The following SNX22 variants were observed in gnomAD, a reference collection of about 807,000 sequenced individuals.
SNX22 encodes the protein sorting nexin 22, also known as sorting nexin-22.
Under a neutral mutation model 24.7 loss-of-function variants are expected in SNX22, and 23 were observed. That is an observed-to-expected ratio of 0.93 (90% CI 0.67 to 1.32). The LOEUF (loss-of-function observed/expected upper bound fraction) is 1.32. Among genes scored for constraint, SNX22 ranks in the 40% most tolerant of loss-of-function variants. SNX22 has a pLI of 0.00. For synonymous variants in SNX22, 99 were observed against 104.0 expected (o/e 0.95, Z 0.29); for missense variants, 261 against 249.9 (o/e 1.04, Z -0.30).
In SNX22 at chr15:64,155,692, T is replaced by G; in HGVS notation, c.*1184T>G. The G allele has an allele frequency of 3.0e-6, 1 of 330,932 alleles. No individual in the cohort carries two copies. 20.5% of individuals were successfully genotyped at this position (330,932 alleles called of 1,614,324 possible). The stretch of plus-strand genomic sequence containing the variant: ...TGACTTTTCCTGGGTAGCTCCTGGG[T>G]CAAAATTTCAGGCAGGATCCCAGGG... On this transcript the variant is annotated 3_prime_UTR_variant, in exon 7 of 7. Transcript: ENST00000325881.
At position 64,152,634 on chromosome 15, in the gene SNX22, G is replaced by A; in HGVS notation, c.160-4G>A. On this transcript the variant is annotated splice_polypyrimidine_tract_variant and splice_region_variant and intron_variant, in intron 2 of 6. Coordinates refer to ENST00000325881, the MANE Select transcript of SNX22 (RefSeq NM_024798.3). The stretch of plus-strand genomic sequence containing the variant: ...TGTGATCGCACGCGGTAAACCTCCA[G>A]TAGATCAAGAAGCTGTACAAAGTGC... 2 of 1,613,884 alleles carry A rather than the reference G, an allele frequency of 1.2e-6. No homozygotes were observed. The highest frequency in any genetic ancestry group is 1.1e-5 in the South Asian group (1 of 91,058).
chr15:64,152,136 CT>C, intron 1 of SNX22, 106 bp from the exon 2 acceptor site: 2 of 1,149,666 alleles, frequency 1.7e-6, no homozygotes, highest in Non-Finnish European at 2.3e-6. Context: ...CGCAAGGCCG[CT>C]TTGTGCCTTT....
At position 64,156,990 on chromosome 15, in the gene SNX22, T is replaced by C; in HGVS notation, c.*2482T>C. ...CATTCGGGGCCAGGACTGAGGGGGC[T>C]TAACCTGTCCTCTGTGCCAGGCTAG... On this transcript the variant is annotated 3_prime_UTR_variant, in exon 7 of 7. Coordinates refer to ENST00000325881, the MANE Select transcript of SNX22 (RefSeq NM_024798.3). The surrounding 1 kb of genome is among the most constrained non-coding windows in gnomAD (Gnocchi z 6.4). The C allele has an allele frequency of 1.4e-6, 2 of 1,433,642 alleles. No individual in the cohort carries two copies. The highest frequency in any genetic ancestry group is 1.9e-6 in the Non-Finnish European group (2 of 1,031,548). 88.8% of individuals were successfully genotyped at this position (1,433,642 alleles called of 1,614,324 possible). A position where few individuals can be genotyped will look rare whatever the true frequency, so the allele number is the denominator to read the frequency against.
Position 64,155,882 on chromosome 15 carries a change from G to A in SNX22, c.*1374G>A. The A allele has an allele frequency of 7.9e-7, 1 of 1,273,706 alleles. No homozygotes were observed. The highest frequency in any genetic ancestry group is 1.1e-6 in the Non-Finnish European group (1 of 886,432). 78.9% of individuals were successfully genotyped at this position (1,273,706 alleles called of 1,614,324 possible). Reference sequence around the variant, plus strand: ...GTGTTGGTAGGAGTTTGTTACAAAAGTGAGTCCATGGGCCTGTGGAATGTG... The same window carrying A: ...GTGTTGGTAGGAGTTTGTTACAAAAATGAGTCCATGGGCCTGTGGAATGTG... On this transcript the variant is annotated 3_prime_UTR_variant, in exon 7 of 7. Transcript: ENST00000325881.
chr15:64,151,857 G>A lies in SNX22; in HGVS notation c.75+7G>A, dbSNP rs2081488305. ...CCCGGAGAAAAGCCACATGGTGAGC[G>A]CGGCCCCTGGATGGGGAGGGGCGCC... On this transcript the variant is annotated splice_region_variant and intron_variant, in intron 1 of 6. Coordinates refer to ENST00000325881, the MANE Select transcript of SNX22 (RefSeq NM_024798.3). The A allele has an allele frequency of 6.5e-7, 1 of 1,531,934 alleles. No homozygotes were observed. Among genetic ancestry groups the A allele is most frequent in the South Asian group, 1.2e-5 (1 of 82,106 alleles). 94.9% of individuals were successfully genotyped at this position (1,531,934 alleles called of 1,614,324 possible).
intron 2 of SNX22, 68 bp from the exon 3 acceptor site, chr15:64,152,570 G>A (rs1389638277): frequency 6.7e-7 from 1 of 1,483,212 alleles, no homozygotes; most frequent in Non-Finnish European, 9.3e-7. Flanking sequence ...GAGGGCTTCT[G>A]GCTGGGGCGA....
chr15:64,156,544 G>T lies in SNX22; in HGVS notation c.*2036G>T. The stretch of plus-strand genomic sequence containing the variant: ...TCCTGGCTGGGCTCTGAGGGGGCTG[G>T]AAGAATTTAGAACCTTGGAGGCATG... On this transcript the variant is annotated 3_prime_UTR_variant, in exon 7 of 7. Transcript: ENST00000325881. This position sits in a 1 kb window ranked among gnomAD's most constrained non-coding sequence, Gnocchi z 6.4. 1.2e-6 allele frequency: 1 copy of T among 806,380 alleles called. No individual in the cohort carries two copies. Among genetic ancestry groups the T allele is most frequent in the Non-Finnish European group, 2.1e-6 (1 of 482,126 alleles). The allele number at this position is 806,380 out of a possible 1,614,324, so 50.0% of individuals were successfully genotyped here. A position where few individuals can be genotyped will look rare whatever the true frequency, so the allele number is the denominator to read the frequency against.
intron 6 of SNX22, 42 bp from the exon 7 acceptor site, chr15:64,154,345 G>A: frequency 6.2e-7 from 1 of 1,610,560 alleles, no homozygotes; most frequent in Non-Finnish European, 8.5e-7. Flanking sequence ...AGCTCAAGGA[G>A]CTGCAGGTCT....
rs1426071511 is a variant in SNX22 at position 64,152,619 on chromosome 15, C to A, written c.160-19C>A. 1 of 1,609,810 alleles carries A rather than the reference C, an allele frequency of 6.2e-7. No individual in the cohort carries two copies. The highest frequency in any genetic ancestry group is 8.5e-7 in the Non-Finnish European group (1 of 1,176,330). ...GCTCAGTCGGGATGCTGTGATCGCA[C>A]GCGGTAAACCTCCAGTAGATCAAGA... On this transcript the variant is annotated intron_variant, in intron 2 of 6. Coordinates refer to ENST00000325881, the MANE Select transcript of SNX22 (RefSeq NM_024798.3).
chr15:64,156,554 G>C lies in SNX22; in HGVS notation c.*2046G>C. On this transcript the variant is annotated 3_prime_UTR_variant, in exon 7 of 7. Transcript: ENST00000325881. The surrounding 1 kb of genome is among the most constrained non-coding windows in gnomAD (Gnocchi z 6.4). ...GCTCTGAGGGGGCTGGAAGAATTTA[G>C]AACCTTGGAGGCATGGAGGTACAGG... 1 of 860,428 alleles carries C rather than the reference G, an allele frequency of 1.2e-6. No homozygotes were observed. Among genetic ancestry groups the C allele is most frequent in the Non-Finnish European group, 1.9e-6 (1 of 522,058 alleles). 53.3% of individuals were successfully genotyped at this position (860,428 alleles called of 1,614,324 possible).
rs1429932364 is a variant in SNX22, at chr15:64,155,820, T to C, written c.*1312T>C. ...AGAACCAGGCCCACACATTATATAT[T>C]AAAAAAAAAAAAACCCACATTTTTT... On this transcript the variant is annotated 3_prime_UTR_variant, in exon 7 of 7. Transcript: ENST00000325881. 2 of 489,772 alleles carry C rather than the reference T, an allele frequency of 4.1e-6. No individual in the cohort carries two copies. The highest frequency in any genetic ancestry group is 4.1e-5 in the African/African-American group (2 of 48,556). The allele number at this position is 489,772 out of a possible 1,614,324, so 30.3% of individuals were successfully genotyped here. A position where few individuals can be genotyped will look rare whatever the true frequency, so the allele number is the denominator to read the frequency against.
rs572867609 is a variant in SNX22, at chr15:64,154,665, G to C, written c.*157G>C. The C allele has an allele frequency of 6.4e-6, 6 of 935,188 alleles. No homozygotes were observed. The highest frequency in any genetic ancestry group is 9.6e-6 in the Non-Finnish European group (6 of 627,238). The allele number at this position is 935,188 out of a possible 1,614,324, so 57.9% of individuals were successfully genotyped here. On this transcript the variant is annotated 3_prime_UTR_variant, in exon 7 of 7. Coordinates refer to ENST00000325881, the MANE Select transcript of SNX22 (RefSeq NM_024798.3). ...CCACTCAAGGCTCAGAACTTGGCTC[G>C]CATTGGTAGCTGGAGGTGGTAGAAT...
chr15:64,152,957 C>T, intron 3 of SNX22: 1 of 608,294 alleles, frequency 1.6e-6, no homozygotes, highest in African/African-American at 1.8e-5. Flanking sequence ...GTAGTCCCAG[C>T]TCCATGAAAC....
At chr15:64,151,928 G>A (rs2081489021) in intron 1 of SNX22, 78 bp downstream of exon 1, 1 of 1,360,986 alleles carries the variant, frequency 7.3e-7, no homozygotes, top group Non-Finnish European at 9.8e-7. Flanking sequence ...GGGACCCGGG[G>A]CCCGGGCCTG....
chr15:64,155,865 A>C lies in SNX22; in HGVS notation c.*1357A>C. ...TTTTTTTTTATTGGTCAGTGTTGGTAGGAGTTTGTTACAAAAGTGAGTCCA... is the reference window on the plus strand; with the variant it reads ...TTTTTTTTTATTGGTCAGTGTTGGTCGGAGTTTGTTACAAAAGTGAGTCCA... On this transcript the variant is annotated 3_prime_UTR_variant, in exon 7 of 7. Transcript: ENST00000325881. The C allele has an allele frequency of 1.4e-5, 14 of 985,132 alleles. No homozygotes were observed. Among genetic ancestry groups the C allele is most frequent in the East Asian group, 2.5e-5 (1 of 39,692 alleles). 61.0% of individuals were successfully genotyped at this position (985,132 alleles called of 1,614,324 possible).
In SNX22 at chr15:64,157,220, G is replaced by T; in HGVS notation, c.*2712G>T. 1 of 408,258 alleles carries T rather than the reference G, an allele frequency of 2.4e-6. No individual in the cohort carries two copies. Among genetic ancestry groups the T allele is most frequent in the Non-Finnish European group, 4.5e-6 (1 of 220,376 alleles). 25.3% of individuals were successfully genotyped at this position (408,258 alleles called of 1,614,324 possible). On this transcript the variant is annotated 3_prime_UTR_variant, in exon 7 of 7. Transcript: ENST00000325881. This position sits in a 1 kb window ranked among gnomAD's most constrained non-coding sequence, Gnocchi z 4.2. ...CTCCCCTTAGCTATGGCCCAGGCCT[G>T]CCACGGAGGGACTTTGGTGGAGGGA...
In SNX22 at chr15:64,154,620, T is replaced by G. The variant is rs905406978; in HGVS notation, c.*112T>G. 6.7e-6 allele frequency: 9 copies of G among 1,346,368 alleles called. No homozygotes were observed. The highest frequency in any genetic ancestry group is 1.5e-5 in the South Asian group (1 of 68,066). 83.4% of individuals were successfully genotyped at this position (1,346,368 alleles called of 1,614,324 possible). A position where few individuals can be genotyped will look rare whatever the true frequency, so the allele number is the denominator to read the frequency against. On this transcript the variant is annotated 3_prime_UTR_variant, in exon 7 of 7. Transcript: ENST00000325881. Reference sequence around the variant, plus strand: ...CTGGACCCAGGACTTAATTACCCAGTGCCCAGTTGTGCCACATTCCCACTC... The same window carrying G: ...CTGGACCCAGGACTTAATTACCCAGGGCCCAGTTGTGCCACATTCCCACTC...
chr15:64,152,423 A>AC (rs1222828104), intron 2 of SNX22, 97 bp downstream of exon 2: 1 of 1,319,460 alleles, frequency 7.6e-7, no homozygotes, highest in East Asian at 2.5e-5. Flanking sequence ...AGCCTCCGCC[A>AC]CCCCCATTAC....
chr15:64,153,286 G>A lies in SNX22; in HGVS notation c.306G>A (p.Leu102=). Residue 102 remains leucine, a synonymous_variant, in exon 4 of 7, where the codon CTG becomes CTA. Coordinates refer to ENST00000325881, the MANE Select transcript of SNX22 (RefSeq NM_024798.3). ...YLNQEVPKEL[L]EFLRLRHFPT... ...ACCAGGAGGTGCCCAAGGAGTTACT[G>A]GAATTCCTGAGACTTCGGCACTTCC... The A allele has an allele frequency of 6.2e-7, 1 of 1,614,176 alleles. No homozygotes were observed. Among genetic ancestry groups the A allele is most frequent in the Non-Finnish European group, 8.5e-7 (1 of 1,180,016 alleles).
Sources: gnomAD v4.1 joint callset for allele counts on GRCh38, gnomAD v4.1.1 for gene constraint, Gnocchi (gnomAD v3.1) non-coding constraint, MANE v1.5 for transcripts, NCBI Gene and HGNC (gene_info 2026-07-23, HGNC 2026-07-21) for gene names.